The following STK36 variants were observed in gnomAD, a reference collection of about 807,000 sequenced individuals.
The protein encoded by STK36 is serine/threonine kinase 36, also known as serine/threonine-protein kinase 36.
Under a neutral mutation model 142.2 loss-of-function variants are expected in STK36, and 116 were observed. The observed-to-expected ratio is 0.82, with a 90% CI of 0.70 to 0.95. The LOEUF (loss-of-function observed/expected upper bound fraction) is 0.95, where lower values mean the gene tolerates loss of function less well. STK36 is among the 40% of genes least tolerant of loss of function. The pLI is 0.00. For synonymous variants in STK36, 619 were observed against 641.7 expected (o/e 0.96, Z 0.53); for missense variants, 1,422 against 1,617.2 (o/e 0.88, Z 2.07).
intron 11 of STK36, among the ~76,000 whole-genome samples, chr2:218,685,678 T>A (rs147283750): frequency 6.6e-6 from 1 of 152,308 alleles, no homozygotes; most frequent in African/African-American, 2.4e-5. Context: ...TTTGCTTAAT[T>A]AGCATTCAAA....
intron 6 of STK36, among the ~76,000 whole-genome samples, chr2:218,677,984 G>T (rs977693871): frequency 1.1e-4 from 17 of 152,110 alleles, no homozygotes; most frequent in Admixed American, 9.8e-4. Flanking sequence ...GTAGAGACGG[G>T]GTTTCACCGT....
chr2:218,684,992 T>C, intron 10 of STK36, 93 bp from the exon 11 acceptor site: 1 of 1,521,684 alleles, frequency 6.6e-7, no homozygotes, highest in East Asian at 2.3e-5. Flanking sequence ...TCCTTGCAGT[T>C]ACTTCATGAT....
rs1454749600 is a variant in STK36 at position 218,672,107 on chromosome 2, G to A, written c.-198G>A. The A allele has an allele frequency of 9.4e-7, 1 of 1,058,242 alleles. No homozygotes were observed. The allele number at this position is 1,058,242 out of a possible 1,614,324, so 65.6% of individuals were successfully genotyped here. On this transcript the variant is annotated 5_prime_UTR_variant, in exon 1 of 27. Coordinates refer to ENST00000295709, the MANE Select transcript of STK36 (RefSeq NM_015690.5). ...CCTTAGCCGGGCCTGATGGCCCTGA[G>A]GCAGTTCGGATGTGTCCCAGGAAGT... is the stretch of plus-strand genomic sequence containing the variant.
rs199845830 is a variant in STK36 at position 218,697,604 on chromosome 2, G to A, written c.2903G>A (p.Arg968His). ...LLCPSFLNQLRQAPHGSEFLP... is the reference protein window; with the variant it reads ...LLCPSFLNQLHQAPHGSEFLP... ...TGCCCCAGCTTCCTGAATCAACTGC[G>A]CCAGGCGTGAGTTTGAGCTAGAAGA... is the stretch of plus-strand genomic sequence containing the variant. The change falls in exon 24 of 27, where the codon CGC (arginine) becomes CAC (histidine). Residue 968 changes from arginine to histidine, a missense_variant. This residue lies in a region of STK36 where 962 missense variants were observed against 1,167.5 expected (regional missense o/e 0.82). Transcript: ENST00000295709. 4.3e-5 allele frequency: 69 copies of A among 1,614,000 alleles called. No homozygotes were observed. Among genetic ancestry groups the A allele is most frequent in the African/African-American group, 6.7e-5 (5 of 74,930 alleles).
Position 218,693,267 on chromosome 2 carries a change from A to T in STK36, c.2071A>T (p.Thr691Ser). The T allele has an allele frequency of 6.2e-7, 1 of 1,614,168 alleles. No homozygotes were observed. The highest frequency in any genetic ancestry group is 2.2e-5 in the East Asian group (1 of 44,878). Residue 691 changes from threonine to serine, a missense_variant, in exon 17 of 27, where the codon ACT becomes TCT. Transcript: ENST00000295709. ...CTGTTGGCATTTGGCAAATCAGCTA[A>T]CTGAAGACAGCAGCCAGCTCAGGCC... is the stretch of plus-strand genomic sequence containing the variant. ...QVCWHLANQL[T>S]EDSSQLRPSL...
Position 218,685,111 on chromosome 2 carries a change from G to C in STK36, c.1263G>C (p.Gln421His). 6.2e-7 allele frequency: 1 copy of C among 1,614,092 alleles called. No individual in the cohort carries two copies. Among genetic ancestry groups the C allele is most frequent in the Non-Finnish European group, 8.5e-7 (1 of 1,180,010 alleles). ...AGCCAGACAGTGACAATGAGTGGCA[G>C]CACCTGCTAGAGACCACTGAGCCTG... ...NEEPDSDNEW[Q>H]HLLETTEPVP... Residue 421 changes from glutamine to histidine, a missense_variant, in exon 11 of 27, where the codon CAG becomes CAC. Gln to His is a conservative substitution (Grantham distance 24). Around this residue, in one of 2 missense-constraint regions of STK36, gnomAD observed 962 missense variants for 1,167.5 expected, o/e 0.82. Coordinates refer to ENST00000295709, the MANE Select transcript of STK36 (RefSeq NM_015690.5).
intron 10 of STK36, 184 bp from the exon 11 acceptor site, chr2:218,684,901 C>T: frequency 1.6e-6 from 1 of 627,608 alleles, no homozygotes; most frequent in Non-Finnish European, 2.6e-6. Flanking sequence ...AGAGACTCTT[C>T]CAGACCCCTC....
chr2:218,681,510 C>A (rs1940521171), intron 10 of STK36, among the ~76,000 whole-genome samples: 1 of 152,060 alleles, frequency 6.6e-6, no homozygotes, highest in African/African-American at 2.4e-5. Context: ...TGTGAGAATA[C>A]CACAAATAAT....
In STK36 at chr2:218,699,228, G is replaced by A. The variant is rs768955183; in HGVS notation, c.3684G>A (p.Leu1228=). ...NLGPEGLGEE[L]LQCEVPQRLL... is the part of the protein sequence containing the mutation. ...GACCTGAAGGTTTGGGAGAGGAGCT[G>A]TTACAGTGCGAAGTACCCCAGCGGC... Residue 1228 remains leucine, a synonymous_variant, in exon 26 of 27, where the codon CTG becomes CTA. Coordinates refer to ENST00000295709, the MANE Select transcript of STK36 (RefSeq NM_015690.5). The A allele has an allele frequency of 1.2e-6, 2 of 1,614,032 alleles. No individual in the cohort carries two copies. The highest frequency in any genetic ancestry group is 1.7e-6 in the Non-Finnish European group (2 of 1,180,034).
intron 5 of STK36, 147 bp from the exon 6 acceptor site, chr2:218,675,882 C>A: frequency 2.0e-6 from 2 of 1,005,360 alleles, no homozygotes; most frequent in Non-Finnish European, 3.0e-6. Flanking sequence ...AGAACCGGAG[C>A]TAGAGGCTGG....
At chr2:218,683,274 ATTT>A (rs747160623) in intron 10 of STK36, among the ~76,000 whole-genome samples, 1 of 133,478 alleles carries the variant, frequency 7.5e-6, no homozygotes. Flanking sequence ...ATGCCCAGCT[ATTT>A]TTTTTTTTTT....
At chr2:218,688,661 A>T (rs1199552443) in intron 11 of STK36, 36 bp from the exon 12 acceptor site, 2 of 1,594,814 alleles carry the variant, frequency 1.3e-6, no homozygotes, top group Non-Finnish European at 1.7e-6. Context: ...ACCTCTGAAA[A>T]TATCAATCGT....
intron 23 of STK36, 99 bp downstream of exon 23, chr2:218,697,312 C>A: frequency 1.3e-6 from 2 of 1,520,264 alleles, no homozygotes; most frequent in Non-Finnish European, 8.8e-7. Flanking sequence ...ATTTTTTTTG[C>A]TTTTGCCTGG....
rs763812768 is a variant in STK36, at chr2:218,685,232, A to G, written c.1380+4A>G. The G allele has an allele frequency of 6.8e-6, 11 of 1,614,014 alleles. No homozygotes were observed. In the East Asian group the frequency reaches 2.5e-4, roughly 36 times the overall value. ...GCTGCATGAAGCTGGAGGGCAGGTA[A>G]TGGGGAGAAAGACACTGTGGATGGG... is the stretch of plus-strand genomic sequence containing the variant. On this transcript the variant is annotated splice_donor_region_variant and intron_variant, in intron 11 of 26. Transcript: ENST00000295709.
intron 11 of STK36, among the ~76,000 whole-genome samples, chr2:218,687,740 A>G (rs1253101159): frequency 6.6e-6 from 1 of 152,226 alleles, no homozygotes; most frequent in Non-Finnish European, 1.5e-5. Context: ...AAAATGGCTA[A>G]TTCTATTTAT....
In STK36 at chr2:218,697,222, C is replaced by G. The variant is rs775959738; in HGVS notation, c.2761+9C>G. 3.7e-6 allele frequency: 6 copies of G among 1,608,620 alleles called. No individual in the cohort carries two copies. The highest frequency in any genetic ancestry group is 1.1e-5 in the South Asian group (1 of 90,060). ...ACTGATTTCTCCCCAGGGTATCTTT[C>G]TATCAGTATCCTTTTTGGGAGTGCA... is the stretch of plus-strand genomic sequence containing the variant. On this transcript the variant is annotated intron_variant, in intron 23 of 26. Coordinates refer to ENST00000295709, the MANE Select transcript of STK36 (RefSeq NM_015690.5).
chr2:218,693,572 C>G (rs1043434869), intron 17 of STK36, 151 bp from the exon 18 acceptor site: 12 of 817,158 alleles, frequency 1.5e-5, no homozygotes, highest in Non-Finnish European at 2.3e-5. Context: ...GTCTCACTAT[C>G]TCATAGCAAG....
chr2:218,693,239 G>A lies in STK36; in HGVS notation c.2044-1G>A. ...TTGAGCCTTCAGGTATGTCTCTATAGGTCTGTTGGCATTTGGCAAATCAGC... is the reference window on the plus strand; with the variant it reads ...TTGAGCCTTCAGGTATGTCTCTATAAGTCTGTTGGCATTTGGCAAATCAGC... On this transcript the variant is annotated splice_acceptor_variant, in intron 16 of 26. Coordinates refer to ENST00000295709, the MANE Select transcript of STK36 (RefSeq NM_015690.5). LOFTEE classifies it high-confidence loss of function. The A allele has an allele frequency of 6.2e-7, 1 of 1,614,060 alleles. No homozygotes were observed. Among genetic ancestry groups the A allele is most frequent in the Non-Finnish European group, 8.5e-7 (1 of 1,179,926 alleles).
chr2:218,672,844 C>T lies in STK36; in HGVS notation c.15C>T (p.His5=), dbSNP rs771657568. The T allele has an allele frequency of 1.9e-6, 3 of 1,614,052 alleles. No individual in the cohort carries two copies. Among genetic ancestry groups the T allele is most frequent in the Non-Finnish European group, 2.5e-6 (3 of 1,179,968 alleles). MEKY[H]VLEMIGEGSF... ...AAACCTCTGTCATGGAAAAGTACCA[C>T]GTGTTGGAGATGATTGGAGAAGGCT... Residue 5 remains histidine (H), a synonymous_variant, in exon 2 of 27, where the codon CAC becomes CAT. Coordinates refer to ENST00000295709, the MANE Select transcript of STK36 (RefSeq NM_015690.5).
Sources: allele counts gnomAD v4.1 joint callset (sites outside exome capture counted in the v4.1 genomes callset), GRCh38; gene constraint gnomAD v4.1.1; regional missense constraint gnomAD v4.1.1; transcripts MANE v1.5; gene names NCBI Gene and HGNC (gene_info 2026-07-23, HGNC 2026-07-21).